NEO1: variants seen among roughly 807,000 people sequenced by gnomAD.
The protein encoded by NEO1 is neogenin 1.
Under a neutral mutation model 159.7 loss-of-function variants are expected in NEO1, and 63 were observed. That is an observed-to-expected ratio of 0.39 (90% CI 0.32 to 0.49). The LOEUF (loss-of-function observed/expected upper bound fraction) is 0.49, where lower values mean the gene tolerates loss of function less well. Ranked by LOEUF, NEO1 falls within the 20% of genes least tolerant of loss-of-function variation. The pLI is 0.85. For missense variants in NEO1, 1,615 were observed against 1,831.0 expected (o/e 0.88, Z 2.15); for synonymous variants, 633 against 662.0 (o/e 0.96, Z 0.67).
intron 9 of NEO1, 118 bp downstream of exon 9, chr15:73,244,616 T>C: frequency 8.7e-7 from 1 of 1,153,970 alleles, no homozygotes; most frequent in Non-Finnish European, 1.2e-6. Context: ...ACTTTCGGGG[T>C]CCTTATCAAT....
At chr15:73,060,707 G>T (rs2067933525) in intron 1 of NEO1, among the ~76,000 whole-genome samples, 1 of 151,790 alleles carries the variant, frequency 6.6e-6, no homozygotes, top group Non-Finnish European at 1.5e-5. Flanking sequence ...GAGTGCAGTG[G>T]CATGATCACA....
At chr15:73,202,360 A>G (rs1219385186) in intron 7 of NEO1, among the ~76,000 whole-genome samples, 1 of 152,196 alleles carries the variant, frequency 6.6e-6, no homozygotes, top group Non-Finnish European at 1.5e-5. Flanking sequence ...AAAAAATTAT[A>G]TAATAGAGAT....
At chr15:73,142,650 GAGGCAA>G (rs1351033898) in intron 5 of NEO1, among the ~76,000 whole-genome samples, 2 of 152,126 alleles carry the variant, frequency 1.3e-5, no homozygotes, top group African/African-American at 4.8e-5. Flanking sequence ...GGAACTGATG[GAGGCAA>G]AGGCTCCCCA....
intron 1 of NEO1, among the ~76,000 whole-genome samples, chr15:73,079,461 A>G (rs996737152): frequency 6.6e-6 from 1 of 152,214 alleles, no homozygotes; most frequent in African/African-American, 2.4e-5. Context: ...TAAGTGTACT[A>G]TTCAATCAAT....
intron 5 of NEO1, among the ~76,000 whole-genome samples, chr15:73,149,924 C>T (rs1013382428): frequency 6.6e-6 from 1 of 152,040 alleles, no homozygotes; most frequent in Non-Finnish European, 1.5e-5. Flanking sequence ...TTATAGTCAC[C>T]TTATTGTTGC....
intron 1 of NEO1, among the ~76,000 whole-genome samples, chr15:73,066,320 C>CTTTTT (rs35179965): frequency 3.6e-5 from 4 of 110,252 alleles, no homozygotes; most frequent in African/African-American, 1.4e-4. Context: ...CACCTGGCCT[C>CTTTTT]TTTTTTTTTT....
chr15:73,058,119 A>C (rs188279039), intron 1 of NEO1, among the ~76,000 whole-genome samples: 1 of 152,278 alleles, frequency 6.6e-6, no homozygotes, highest in Admixed American at 6.5e-5. Flanking sequence ...CCATGCCAGT[A>C]CATACAGATT....
chr15:73,155,959 T>C (rs977047390), intron 5 of NEO1, among the ~76,000 whole-genome samples: 21 of 152,236 alleles, frequency 1.4e-4, no homozygotes, highest in Admixed American at 1.3e-3. Context: ...AAGGATTTAT[T>C]TTTGGTTAGG....
chr15:73,081,279 C>T (rs1595928411), intron 1 of NEO1, among the ~76,000 whole-genome samples: 1 of 152,022 alleles, frequency 6.6e-6, no homozygotes, highest in Non-Finnish European at 1.5e-5. Context: ...TTTTGAATGA[C>T]TGGACTATAG....
intron 7 of NEO1, among the ~76,000 whole-genome samples, chr15:73,224,026 C>T (rs2150775696): frequency 6.6e-6 from 1 of 152,276 alleles, no homozygotes; most frequent in Non-Finnish European, 1.5e-5. Flanking sequence ...ATTTGCTTGT[C>T]TGGAAAAGAC....
At chr15:73,083,800 G>A (rs540875018) in intron 1 of NEO1, among the ~76,000 whole-genome samples, 5 of 152,076 alleles carry the variant, frequency 3.3e-5, no homozygotes, top group African/African-American at 1.2e-4. Flanking sequence ...TTCCTCATCT[G>A]TAAAGTGAGG....
chr15:73,180,763 A>T (rs1313398519), intron 7 of NEO1, among the ~76,000 whole-genome samples: 1 of 152,160 alleles, frequency 6.6e-6, no homozygotes, highest in Non-Finnish European at 1.5e-5. Flanking sequence ...TTTTGAGAAT[A>T]GCGTTTTATG....
intron 1 of NEO1, among the ~76,000 whole-genome samples, chr15:73,114,693 A>G (rs1351760553): frequency 6.6e-6 from 1 of 152,200 alleles, no homozygotes; most frequent in Non-Finnish European, 1.5e-5. Context: ...TTGAAATAGA[A>G]TGTATTTTAT....
chr15:73,056,917 AT>A (rs2067732927), intron 1 of NEO1, among the ~76,000 whole-genome samples: 1 of 152,176 alleles, frequency 6.6e-6, no homozygotes, highest in South Asian at 2.1e-4. Context: ...AGATCATAGA[AT>A]TCTGGGATGA....
chr15:73,177,920 T>A lies in NEO1; in HGVS notation c.1171-387T>A, dbSNP rs2151956789. 2.0e-5 allele frequency among the ~76,000 whole-genome samples: 3 copies of A among 152,340 alleles called. No homozygotes were observed. In the South Asian group the frequency reaches 6.2e-4, roughly 32 times the overall value. On this transcript the variant is annotated intron_variant, in intron 6 of 28. Coordinates refer to ENST00000261908, the MANE Select transcript of NEO1 (RefSeq NM_002499.4). Reference sequence around the variant, plus strand: ...TGGCTTCATTTAATTTATTGTAGTCTAATCTGTTAGAACTATTGATATTAT... The same window carrying A: ...TGGCTTCATTTAATTTATTGTAGTCAAATCTGTTAGAACTATTGATATTAT...
chr15:73,254,851 CA>C, intron 13 of NEO1, 22 bp downstream of exon 13: 1 of 1,606,176 alleles, frequency 6.2e-7, no homozygotes, highest in Non-Finnish European at 8.5e-7. Context: ...TGCACAAAGG[CA>C]AAAGGTACAC....
chr15:73,185,067 T>C (rs1258196140), intron 7 of NEO1, among the ~76,000 whole-genome samples: 1 of 152,166 alleles, frequency 6.6e-6, no homozygotes, highest in East Asian at 1.9e-4. Flanking sequence ...TCCAACTACA[T>C]GACATTCTAG....
rs147883233 is a variant in NEO1 at position 73,258,822 on chromosome 15, A to G, written c.2149A>G (p.Thr717Ala). 6.2e-7 allele frequency: 1 copy of G among 1,613,806 alleles called. No individual in the cohort carries two copies. The highest frequency in any genetic ancestry group is 1.3e-5 in the African/African-American group (1 of 74,912). ...FRVAALTING[T>A]GPATDWLSAE... ...AGTGGCTGCTCTAACAATCAATGGT[A>G]CAGGCCCGGCAACTGACTGGCTGTC... The change falls in exon 14 of 29, where the codon ACA becomes GCA. Residue 717 changes from threonine to alanine, a missense_variant. By Grantham distance (58) the Thr-to-Ala change is moderately conservative (BLOSUM62 0). Transcript: ENST00000261908.
At chr15:73,170,175 A>T (rs193243035) in intron 5 of NEO1, among the ~76,000 whole-genome samples, 144 of 152,264 alleles carry the variant, frequency 9.5e-4, no homozygotes, top group Non-Finnish European at 1.6e-3. Flanking sequence ...TAATGTACCT[A>T]GTGGGATTTA....
Sources: gnomAD v4.1 joint callset for allele counts (sites outside exome capture counted in the v4.1 genomes callset) on GRCh38, gnomAD v4.1.1 for gene constraint, MANE v1.5 for transcripts, NCBI Gene and HGNC (gene_info 2026-07-23, HGNC 2026-07-21) for gene names.